Variants in AP3B1 observed in about 807,000 individuals in gnomAD.
The protein encoded by AP3B1 is adaptor related protein complex 3 subunit beta 1.
A neutral mutation model predicts 132.5 loss-of-function variants in AP3B1; 61 were observed. The observed-to-expected ratio is 0.46, with a 90% confidence interval of 0.37 to 0.57. The LOEUF (loss-of-function observed/expected upper bound fraction) is 0.57, where lower values mean the gene tolerates loss of function less well. AP3B1 is among the 20% of genes least tolerant of loss of function. The pLI is 0.00. For synonymous variants in AP3B1, 388 were observed against 438.3 expected, an observed-to-expected ratio of 0.89 and a Z score of 1.43; for missense variants, 1,120 against 1,289.4, an observed-to-expected ratio of 0.87 and a Z score of 2.01.
intron 5 of AP3B1, among the ~76,000 whole-genome samples, chr5:78,226,744 A>AG (rs1355692689): frequency 1.3e-5 from 2 of 152,176 alleles, no homozygotes; most frequent in African/African-American, 4.8e-5. Flanking sequence ...AATAAATGAT[A>AG]GCTGAAAATA....
intron 22 of AP3B1, among the ~76,000 whole-genome samples, chr5:78,083,156 T>C (rs78308670): frequency 0.035 from 5,310 of 152,172 alleles, 310 homozygotes; most frequent in African/African-American, 0.12. Flanking sequence ...CAGACTCTGA[T>C]TTTTCCATAA....
intron 2 of AP3B1, among the ~76,000 whole-genome samples, chr5:78,243,434 A>T (rs1330257192): frequency 6.6e-6 from 1 of 152,190 alleles, no homozygotes; most frequent in Admixed American, 6.5e-5. Context: ...CACTCAACAA[A>T]TATTTGCTGA....
chr5:78,156,902 G>A (rs752418538), intron 13 of AP3B1, among the ~76,000 whole-genome samples: 2 of 152,106 alleles, frequency 1.3e-5, no homozygotes, highest in Non-Finnish European at 2.9e-5. Context: ...GTGCAAAGCC[G>A]GAAAGAATGG....
intron 20 of AP3B1, among the ~76,000 whole-genome samples, chr5:78,102,596 T>C (rs1476915901): frequency 2.6e-5 from 4 of 152,112 alleles, no homozygotes; most frequent in African/African-American, 9.7e-5. Flanking sequence ...TGAAAACAAG[T>C]GCAGAATGAA....
intron 1 of AP3B1, among the ~76,000 whole-genome samples, chr5:78,280,067 T>C (rs958393788): frequency 1.1e-3 from 144 of 128,930 alleles, no homozygotes; most frequent in Non-Finnish European, 1.8e-3. Flanking sequence ...GGTGAGACTC[T>C]GTCTCAAAAA....
rs3050076 is a variant in AP3B1 at position 78,055,016 on chromosome 5, GACACACACAC to G, written c.2578-15752_2578-15743del. 7.6e-3 allele frequency among the ~76,000 whole-genome samples: 1,099 copies of G among 144,760 alleles called. 10 individuals carry two copies. The highest frequency in any genetic ancestry group is 0.013 in the African/African-American group (530 of 39,300). The allele number at this position is 144,760 out of a possible 152,430, so 95.0% of individuals were successfully genotyped here. A position where few individuals can be genotyped will look rare whatever the true frequency, so the allele number is the denominator to read the frequency against. On this transcript the variant is annotated intron_variant, in intron 22 of 26. Coordinates refer to ENST00000255194, the MANE Select transcript of AP3B1 (RefSeq NM_003664.5). ...CATAAGACAGACAGACAGACCTACA[GACACACACAC>G]ACACACACACACACACACACACACA...
chr5:78,111,513 A>T (rs1017599279), intron 19 of AP3B1, among the ~76,000 whole-genome samples: 1 of 152,192 alleles, frequency 6.6e-6, no homozygotes, highest in African/African-American at 2.4e-5. Flanking sequence ...TCAGGAGAAC[A>T]TGTGGAGAGA....
intron 2 of AP3B1, among the ~76,000 whole-genome samples, chr5:78,244,379 C>A (rs1561498319): frequency 1.3e-5 from 2 of 151,868 alleles, no homozygotes; most frequent in Admixed American, 6.6e-5. Context: ...CGCCACTGCA[C>A]TCCAGCCTGT....
intron 1 of AP3B1, among the ~76,000 whole-genome samples, chr5:78,268,962 C>T (rs1371004321): frequency 1.3e-5 from 2 of 152,134 alleles, no homozygotes; most frequent in East Asian, 3.9e-4. Flanking sequence ...TTCCCAAATT[C>T]TTCTTTGCCT....
chr5:78,192,291 T>G (rs1448392034), intron 7 of AP3B1, among the ~76,000 whole-genome samples: 1 of 152,172 alleles, frequency 6.6e-6, no homozygotes, highest in Non-Finnish European at 1.5e-5. Context: ...TTGGCAGATG[T>G]AATTTTAAGT....
intron 25 of AP3B1, among the ~76,000 whole-genome samples, chr5:78,018,883 A>G (rs567210684): frequency 1.2e-4 from 19 of 152,162 alleles, no homozygotes; most frequent in African/African-American, 4.1e-4. Flanking sequence ...GAGGATTGAG[A>G]CCTCTATTAC....
rs66493022 is a variant in AP3B1 at position 78,223,027 on chromosome 5, C to CTCTTTTTTTTTTT, written c.603+2514_603+2515insAAAAAAAAAAAGA. Among the ~76,000 whole-genome samples, 273 of 127,780 alleles carry CTCTTTTTTTTTTT rather than the reference C, an allele frequency of 2.1e-3. 17 individuals carry two copies. Among genetic ancestry groups the CTCTTTTTTTTTTT allele is most frequent in the African/African-American group, 4.8e-3 (165 of 34,532 alleles). 83.8% of individuals were successfully genotyped at this position (127,780 alleles called of 152,430 possible). A position where few individuals can be genotyped will look rare whatever the true frequency, so the allele number is the denominator to read the frequency against. On this transcript the variant is annotated intron_variant, in intron 6 of 26. Transcript: ENST00000255194. Reference sequence around the variant, plus strand: ...TGTTTTTTTGTTTGTTTGTTTGTTTCTTTTTTTTTTTTTGTAGAGACAAGG... The same window carrying CTCTTTTTTTTTTT: ...TGTTTTTTTGTTTGTTTGTTTGTTTCTCTTTTTTTTTTTTTTTTTTTTTTTTGTAGAGACAAGG...
At chr5:78,257,958 T>C (rs1031413851) in intron 2 of AP3B1, among the ~76,000 whole-genome samples, 1 of 152,204 alleles carries the variant, frequency 6.6e-6, no homozygotes, top group Non-Finnish European at 1.5e-5. Flanking sequence ...GATATCCATA[T>C]GCAGGAAAAC....
chr5:78,124,913 G>A (rs1207943140), intron 17 of AP3B1, among the ~76,000 whole-genome samples: 4 of 151,956 alleles, frequency 2.6e-5, no homozygotes, highest in African/African-American at 7.3e-5. Context: ...ATTTTTTCTT[G>A]ACATGGCCAT....
chr5:78,175,048 T>C (rs1744089392), intron 11 of AP3B1, among the ~76,000 whole-genome samples: 3 of 152,262 alleles, frequency 2.0e-5, no homozygotes, highest in African/African-American at 7.2e-5. Flanking sequence ...GAGAATCCCC[T>C]TGTCTGCCGG....
At chr5:78,034,251 T>C in intron 24 of AP3B1, 110 bp downstream of exon 24, 1 of 829,782 alleles carries the variant, frequency 1.2e-6, no homozygotes, top group South Asian at 1.4e-5. Context: ...CAAAACATAT[T>C]TGTTTAAATG....
chr5:78,069,342 T>G (rs1164409946), intron 22 of AP3B1, among the ~76,000 whole-genome samples: 1 of 152,184 alleles, frequency 6.6e-6, no homozygotes, highest in Non-Finnish European at 1.5e-5. Flanking sequence ...TGATCTTATA[T>G]CTAGAAAACC....
chr5:78,233,125 C>T (rs1474445860), intron 3 of AP3B1, among the ~76,000 whole-genome samples: 1 of 152,050 alleles, frequency 6.6e-6, no homozygotes. Flanking sequence ...CAATAACATC[C>T]TATATTTATA....
chr5:78,209,408 A>T (rs1329145513), intron 7 of AP3B1, among the ~76,000 whole-genome samples: 1 of 152,196 alleles, frequency 6.6e-6, no homozygotes, highest in Non-Finnish European at 1.5e-5. Context: ...TAATCCAGAC[A>T]TTTCCGTTCT....
Sources: gnomAD v4.1 joint callset for allele counts (sites outside exome capture counted in the v4.1 genomes callset) on GRCh38, gnomAD v4.1.1 for gene constraint, MANE v1.5 for transcripts, NCBI Gene and HGNC (gene_info 2026-07-23, HGNC 2026-07-21) for gene names.